The following SLC25A48 variants were observed in gnomAD, a reference collection of about 807,000 sequenced individuals.
SLC25A48 encodes CTC-321K16.1.
A neutral mutation model predicts 32.2 loss-of-function variants in SLC25A48; 29 were observed. The observed-to-expected ratio is 0.90, with a 90% CI of 0.67 to 1.23. The LOEUF is 1.23. Among genes scored for constraint, SLC25A48 ranks in the 50% most tolerant of loss-of-function variants. The probability of loss-of-function intolerance (pLI) is 0.00; values close to 1 mark genes in which losing one functional copy is unlikely to be tolerated. For missense variants in SLC25A48, 399 were observed against 422.7 expected (o/e 0.94, Z 0.49); for synonymous variants, 164 against 172.3 (o/e 0.95, Z 0.38).
intron 1 of SLC25A48, among the ~76,000 whole-genome samples, chr5:135,617,377 C>G (rs1375082519): frequency 6.6e-6 from 1 of 151,756 alleles, no homozygotes; most frequent in Non-Finnish European, 1.5e-5. Context: ...AGTGATATAT[C>G]AATTTTGTTT....
At chr5:135,861,313 G>A (rs1031139886) in intron 4 of SLC25A48, among the ~76,000 whole-genome samples, 207 of 145,796 alleles carry the variant, frequency 1.4e-3, no homozygotes, top group African/African-American at 4.1e-3. Flanking sequence ...AAATACACAC[G>A]CACACACACA....
chr5:135,810,697 C>T (rs1757572848), intron 3 of SLC25A48, among the ~76,000 whole-genome samples: 2 of 152,176 alleles, frequency 1.3e-5, no homozygotes, highest in African/African-American at 4.8e-5. Flanking sequence ...TTGCAAGTCC[C>T]TGTGTGCCAG....
intron 3 of SLC25A48, among the ~76,000 whole-genome samples, chr5:135,641,518 C>T (rs1357595149): frequency 6.6e-6 from 1 of 151,890 alleles, no homozygotes; most frequent in Non-Finnish European, 1.5e-5. Flanking sequence ...ACAACATAGG[C>T]TCCCAGAGGG....
At chr5:135,798,506 G>A (rs565085197) in intron 3 of SLC25A48, among the ~76,000 whole-genome samples, 80 of 151,584 alleles carry the variant, frequency 5.3e-4, no homozygotes, top group African/African-American at 1.8e-3. Context: ...TAATAACCGG[G>A]GGGGAGAGGA....
chr5:135,790,263 G>T (rs116111928), intron 3 of SLC25A48, among the ~76,000 whole-genome samples: 1 of 151,626 alleles, frequency 6.6e-6, no homozygotes, highest in African/African-American at 2.4e-5. Flanking sequence ...GGGGTTTTAC[G>T]TACTATCATA....
chr5:135,767,619 G>T (rs868341153), intron 3 of SLC25A48, among the ~76,000 whole-genome samples: 33 of 151,654 alleles, frequency 2.2e-4, no homozygotes, highest in African/African-American at 7.0e-4. Context: ...ATCGCAGGGG[G>T]TGTACACCCG....
intron 3 of SLC25A48, among the ~76,000 whole-genome samples, chr5:135,640,577 A>T (rs1752811290): frequency 1.3e-5 from 2 of 152,200 alleles, no homozygotes; most frequent in South Asian, 2.1e-4. Context: ...ACACAGACAA[A>T]CATAAAAAAT....
intron 3 of SLC25A48, among the ~76,000 whole-genome samples, chr5:135,810,918 A>G (rs111927461): frequency 1.6e-4 from 24 of 152,262 alleles, no homozygotes; most frequent in African/African-American, 5.5e-4. Context: ...AATCCAGGAG[A>G]AAATCATGGG....
chr5:135,681,112 A>G (rs999592090), intron 3 of SLC25A48, among the ~76,000 whole-genome samples: 1 of 152,072 alleles, frequency 6.6e-6, no homozygotes, highest in Non-Finnish European at 1.5e-5. Context: ...CAGCCTCCTG[A>G]GTGGCCGGGA....
chr5:135,837,638 T>C (rs1399506359), intron 1 of SLC25A48, among the ~76,000 whole-genome samples: 1 of 152,268 alleles, frequency 6.6e-6, no homozygotes, highest in East Asian at 1.9e-4. Flanking sequence ...GCTGTTCTCA[T>C]GGTAGTGAAT....
chr5:135,865,892 C>A (rs968826600), intron 4 of SLC25A48, among the ~76,000 whole-genome samples: 1 of 152,154 alleles, frequency 6.6e-6, no homozygotes, highest in Non-Finnish European at 1.5e-5. Flanking sequence ...CTATGGATTA[C>A]TAATATGTTT....
intron 1 of SLC25A48, among the ~76,000 whole-genome samples, chr5:135,841,762 C>T (rs1393011299): frequency 6.6e-6 from 1 of 151,970 alleles, no homozygotes; most frequent in East Asian, 1.9e-4. Context: ...AGTATGAATT[C>T]AGGGCCACTG....
At chr5:135,805,235 C>T (rs1251780265) in intron 3 of SLC25A48, among the ~76,000 whole-genome samples, 1 of 150,734 alleles carries the variant, frequency 6.6e-6, no homozygotes, top group Non-Finnish European at 1.5e-5. Flanking sequence ...CCTGTGTGTA[C>T]ACCCGGGATA....
chr5:135,661,129 T>G (rs955340004), intron 3 of SLC25A48, among the ~76,000 whole-genome samples: 1 of 152,210 alleles, frequency 6.6e-6, no homozygotes, highest in Non-Finnish European at 1.5e-5. Context: ...ATCTTAGTGC[T>G]GCTTCCTACA....
chr5:135,579,904 C>T (rs1387291747), intron 1 of SLC25A48, among the ~76,000 whole-genome samples: 2 of 152,194 alleles, frequency 1.3e-5, no homozygotes, highest in African/African-American at 4.8e-5. Context: ...TCACTACTTT[C>T]CAGCACAAGT....
intron 3 of SLC25A48, among the ~76,000 whole-genome samples, chr5:135,701,924 TG>T (rs2126966962): frequency 6.6e-6 from 1 of 152,384 alleles, no homozygotes; most frequent in Non-Finnish European, 1.5e-5. Context: ...ACATCCTTAT[TG>T]TGTGCCCAGG....
intron 3 of SLC25A48, among the ~76,000 whole-genome samples, chr5:135,712,566 G>A (rs1260435359): frequency 3.3e-5 from 5 of 152,168 alleles, no homozygotes; most frequent in East Asian, 3.9e-4. Context: ...ACTGCCTTAG[G>A]CTCCAAGAGT....
At chr5:135,723,852 G>A (rs10515475) in intron 3 of SLC25A48, among the ~76,000 whole-genome samples, 43,756 of 152,012 alleles carry the variant, frequency 0.29, 6,479 homozygotes, top group East Asian at 0.49. Flanking sequence ...TCATTTCCTG[G>A]AAGAGCCCAC....
At chr5:135,808,875 GTTAGA>G (rs1029725984) in intron 3 of SLC25A48, among the ~76,000 whole-genome samples, 4 of 152,154 alleles carry the variant, frequency 2.6e-5, no homozygotes, top group Admixed American at 2.6e-4. Flanking sequence ...CCATTTGAGA[GTTAGA>G]TTAATCTCTT....
Sources: gnomAD v4.1 joint callset for allele counts (sites outside exome capture counted in the v4.1 genomes callset) on GRCh38, gnomAD v4.1.1 for gene constraint, MANE v1.5 for transcripts, NCBI Gene and HGNC (gene_info 2026-07-23, HGNC 2026-07-21) for gene names.